MS4A8: variants seen among roughly 807,000 people sequenced by gnomAD.
MS4A8 encodes membrane spanning 4-domains A8.
In MS4A8, 27 loss-of-function variants were observed where a neutral mutation model predicts 23.7. The observed-to-expected ratio is 1.14, with a 90% CI of 0.84 to 1.57. MS4A8 has a LOEUF of 1.57. Among genes scored for constraint, MS4A8 ranks in the 40% most tolerant of loss-of-function variants. MS4A8 has a pLI of 0.00. For missense variants in MS4A8, 301 were observed against 311.4 expected (o/e 0.97, Z 0.25); for synonymous variants, 138 against 126.3 (o/e 1.09, Z -0.62).
intron 2 of MS4A8, chr11:60,703,131 C>T: frequency 3.2e-6 from 1 of 313,294 alleles, no homozygotes; most frequent in Non-Finnish European, 5.7e-6. Context: ...TAATAAAATT[C>T]AGGGGGCCAT....
chr11:60,714,391 T>G (rs929371691), intron 5 of MS4A8, among the ~76,000 whole-genome samples: 1 of 152,162 alleles, frequency 6.6e-6, no homozygotes, highest in Non-Finnish European at 1.5e-5. Context: ...GAAGAATTTT[T>G]CTTAGTACAG....
intron 5 of MS4A8, among the ~76,000 whole-genome samples, chr11:60,714,580 C>G (rs558752214): frequency 6.6e-6 from 1 of 152,156 alleles, no homozygotes; most frequent in African/African-American, 2.4e-5. Context: ...TCACAGGAGG[C>G]CTTTTCCTGT....
intron 3 of MS4A8, 93 bp downstream of exon 3, chr11:60,703,593 A>G: frequency 6.8e-7 from 1 of 1,463,832 alleles, no homozygotes; most frequent in Non-Finnish European, 9.3e-7. Flanking sequence ...TGCCCTGCAG[A>G]AGGTTCCCAG....
intron 5 of MS4A8, among the ~76,000 whole-genome samples, chr11:60,713,271 A>G (rs534137752): frequency 6.6e-6 from 1 of 152,292 alleles, no homozygotes; most frequent in South Asian, 2.1e-4. Context: ...ACACAGAGAT[A>G]AAGTACAGAG....
At chr11:60,705,392 C>T (rs1054296758) in intron 3 of MS4A8, among the ~76,000 whole-genome samples, 1 of 152,246 alleles carries the variant, frequency 6.6e-6, no homozygotes, top group Admixed American at 6.5e-5. Context: ...ACCACGCCTC[C>T]TCCCACCAGG....
At chr11:60,708,311 C>T (rs558745571) in intron 4 of MS4A8, among the ~76,000 whole-genome samples, 24 of 152,298 alleles carry the variant, frequency 1.6e-4, no homozygotes, top group Non-Finnish European at 2.6e-4. Flanking sequence ...CTTTGCCCAA[C>T]CCAGCTATTT....
intron 5 of MS4A8, chr11:60,712,342 A>G (rs1032009424): frequency 2.2e-5 from 22 of 985,188 alleles, no homozygotes; most frequent in Admixed American, 1.2e-4. Flanking sequence ...TGTGCCTCTC[A>G]GGATGCATTT....
rs1262719968 is a variant in MS4A8 at position 60,715,662 on chromosome 11, G to A, written c.*248G>A. ...CTAGGGCACATGCATCAGCACATAT[G>A]TGGGCATCCAGCCTCTGGGGCCTTG... is the stretch of plus-strand genomic sequence containing the variant. On this transcript the variant is annotated 3_prime_UTR_variant, in exon 7 of 7. Transcript: ENST00000300226. 1 of 486,302 alleles carries A rather than the reference G, an allele frequency of 2.1e-6. No individual in the cohort carries two copies. Among genetic ancestry groups the A allele is most frequent in the Non-Finnish European group, 3.7e-6 (1 of 270,240 alleles). The allele number at this position is 486,302 out of a possible 1,614,324, so 30.1% of individuals were successfully genotyped here. A position where few individuals can be genotyped will look rare whatever the true frequency, so the allele number is the denominator to read the frequency against.
Position 60,703,517 on chromosome 11 carries a change from C to A in MS4A8, c.342+17C>A. The A allele has an allele frequency of 6.2e-7, 1 of 1,605,142 alleles. No homozygotes were observed. Among genetic ancestry groups the A allele is most frequent in the African/African-American group, 1.3e-5 (1 of 74,412 alleles). On this transcript the variant is annotated intron_variant, in intron 3 of 6. Transcript: ENST00000300226. ...GGCTTGTGGGTGAGTAACTCAAGTC[C>A]TCCTGCCGATGAGCTCCCAGAAGGT...
chr11:60,700,725 T>G (rs1007922815), intron 1 of MS4A8, 135 bp from the exon 2 acceptor site: 1 of 813,938 alleles, frequency 1.2e-6, no homozygotes, highest in African/African-American at 1.7e-5. Flanking sequence ...ATAACTGATA[T>G]CTATTATTTG....
rs765977054 is a variant in MS4A8 at position 60,715,009 on chromosome 11, C to T, written c.535-12C>T. 8.7e-6 allele frequency: 14 copies of T among 1,605,502 alleles called. No individual in the cohort carries two copies. The highest frequency in any genetic ancestry group is 1.7e-4 in the Middle Eastern group (1 of 6,040). ...CCCGTGCTCCTGTCCTCCCCATCTG[C>T]TCTGCCTACAGAACCCTGGAATGGC... On this transcript the variant is annotated splice_polypyrimidine_tract_variant and intron_variant, in intron 5 of 6. Coordinates refer to ENST00000300226, the MANE Select transcript of MS4A8 (RefSeq NM_031457.2).
rs550633031 is a variant in MS4A8 at position 60,715,017 on chromosome 11, A to G, written c.535-4A>G. On this transcript the variant is annotated splice_polypyrimidine_tract_variant and splice_region_variant and intron_variant, in intron 5 of 6. Transcript: ENST00000300226. Reference sequence around the variant, plus strand: ...CCTGTCCTCCCCATCTGCTCTGCCTACAGAACCCTGGAATGGCGATTTCTG... The same window carrying G: ...CCTGTCCTCCCCATCTGCTCTGCCTGCAGAACCCTGGAATGGCGATTTCTG... 13 of 1,611,812 alleles carry G rather than the reference A, an allele frequency of 8.1e-6. No individual in the cohort carries two copies. The highest frequency in any genetic ancestry group is 1.6e-4 in the Middle Eastern group (1 of 6,076).
intron 5 of MS4A8, among the ~76,000 whole-genome samples, chr11:60,712,899 C>G (rs1162862109): frequency 6.6e-6 from 1 of 152,126 alleles, no homozygotes; most frequent in Non-Finnish European, 1.5e-5. Flanking sequence ...AATTGGAACC[C>G]AAATGGTAAT....
chr11:60,705,554 C>T (rs2088248757), intron 3 of MS4A8, among the ~76,000 whole-genome samples: 1 of 152,234 alleles, frequency 6.6e-6, no homozygotes, highest in South Asian at 2.1e-4. Context: ...TCCTCTGGCA[C>T]CTCAGAAGGA....
chr11:60,712,360 G>A (rs1325600868), intron 5 of MS4A8: 93 of 985,146 alleles, frequency 9.4e-5, no homozygotes, highest in Non-Finnish European at 1.1e-4. Context: ...TTTCTTAGCC[G>A]CTTCTACCAA....
intron 3 of MS4A8, among the ~76,000 whole-genome samples, chr11:60,706,594 A>C (rs1031274042): frequency 6.6e-6 from 1 of 152,212 alleles, no homozygotes; most frequent in Non-Finnish European, 1.5e-5. Context: ...AAATACAAGG[A>C]AATAATCCAA....
intron 2 of MS4A8, 180 bp from the exon 3 acceptor site, chr11:60,703,198 A>G (rs2088220541): frequency 3.2e-6 from 2 of 629,408 alleles, no homozygotes; most frequent in South Asian, 6.6e-5. Flanking sequence ...ACCAAAATGT[A>G]AACAGTTGTT....
chr11:60,707,002 A>T lies in MS4A8; in HGVS notation c.357A>T (p.Gly119=), dbSNP rs766623136. The change falls in exon 4 of 7, where the codon GGA becomes GGT. Residue 119 remains glycine, a synonymous_variant. Transcript: ENST00000300226. ...FWGGLWFIIS[G]SLSVAAENQP... ...TTCTGTACCAGTTTATCATTTCAGG[A>T]TCTCTCTCCGTGGCAGCAGAAAATC... 1 of 1,614,018 alleles carries T rather than the reference A, an allele frequency of 6.2e-7. No homozygotes were observed. The highest frequency in any genetic ancestry group is 1.1e-5 in the South Asian group (1 of 91,068).
intron 4 of MS4A8, among the ~76,000 whole-genome samples, chr11:60,707,910 G>T (rs904556139): frequency 7.1e-6 from 1 of 141,626 alleles, no homozygotes; most frequent in Non-Finnish European, 1.5e-5. Flanking sequence ...ACTCACTGCA[G>T]CATCTGCCTC....
Sources: allele counts gnomAD v4.1 joint callset (sites outside exome capture counted in the v4.1 genomes callset), GRCh38; gene constraint gnomAD v4.1.1; transcripts MANE v1.5; gene names NCBI Gene and HGNC (gene_info 2026-07-23, HGNC 2026-07-21).